IGF2BP3: variants seen among roughly 807,000 people sequenced by gnomAD.
IGF2BP3 encodes the protein insulin like growth factor 2 mRNA binding protein 3.
IGF2BP3 carries 9 observed loss-of-function variants against 73.8 expected under a neutral mutation model. The observed-to-expected ratio is 0.12, with a 90% CI of 0.07 to 0.21. IGF2BP3 has a LOEUF of 0.21. Among genes scored for constraint, IGF2BP3 ranks in the 10% least tolerant of loss-of-function variants. IGF2BP3 has a pLI of 1.00. For synonymous variants in IGF2BP3, 258 were observed against 256.7 expected, an observed-to-expected ratio of 1.01 and a Z score of -0.05; for missense variants, 542 against 714.0, an observed-to-expected ratio of 0.76 and a Z score of 2.75.
intron 7 of IGF2BP3, among the ~76,000 whole-genome samples, chr7:23,346,531 C>CAT (rs1050415152): frequency 2.0e-5 from 3 of 151,716 alleles, no homozygotes; most frequent in African/African-American, 4.8e-5. Flanking sequence ...ATTTCCCAGT[C>CAT]ATATATATAT....
chr7:23,343,731 A>T lies in IGF2BP3; in HGVS notation c.1064T>A (p.Ile355Asn). Residue 355 changes from isoleucine to asparagine, a missense_variant, in exon 9 of 15, where the codon ATT becomes AAT. Physicochemically the swap from Ile to Asn is moderately radical, Grantham distance 149. This residue lies in a region of IGF2BP3 where 303 missense variants were observed against 472.1 expected (regional missense o/e 0.64). Coordinates refer to ENST00000258729, the MANE Select transcript of IGF2BP3 (RefSeq NM_006547.3). Reference sequence around the variant, plus strand: ...AACAAAACTAACATTCATAGAAGCAATATCATTTTCATAAGACTCCCTGAT... The same window carrying T: ...AACAAAACTAACATTCATAGAAGCATTATCATTTTCATAAGACTCCCTGAT... ...KKIRESYEND[I>N]ASMNLQAHLI... 2 of 1,611,520 alleles carry T rather than the reference A, an allele frequency of 1.2e-6. No individual in the cohort carries two copies. Among genetic ancestry groups the T allele is most frequent in the Non-Finnish European group, 1.7e-6 (2 of 1,179,332 alleles).
At chr7:23,340,031 A>C (rs1583906476) in intron 10 of IGF2BP3, among the ~76,000 whole-genome samples, 1 of 152,196 alleles carries the variant, frequency 6.6e-6, no homozygotes, top group Non-Finnish European at 1.5e-5. Flanking sequence ...CTTATAGTTC[A>C]GGTTTTTTTT....
chr7:23,361,486 T>C (rs762338187), intron 5 of IGF2BP3, 48 bp downstream of exon 5: 1 of 1,476,890 alleles, frequency 6.8e-7, no homozygotes, highest in South Asian at 1.2e-5. Context: ...TATGTTACTG[T>C]ACTTAACTTA....
intron 2 of IGF2BP3, among the ~76,000 whole-genome samples, chr7:23,422,044 T>C (rs915863189): frequency 6.6e-6 from 1 of 152,112 alleles, no homozygotes; most frequent in African/African-American, 2.4e-5. Context: ...CTCCCCAAAG[T>C]GCTGGGATTA....
chr7:23,430,551 C>T (rs1787648716), intron 2 of IGF2BP3, among the ~76,000 whole-genome samples: 1 of 152,194 alleles, frequency 6.6e-6, no homozygotes, highest in Non-Finnish European at 1.5e-5. Flanking sequence ...AACCTATGTC[C>T]AAAGAGGACT....
At chr7:23,363,876 G>A (rs576205835) in intron 3 of IGF2BP3, among the ~76,000 whole-genome samples, 3 of 152,276 alleles carry the variant, frequency 2.0e-5, no homozygotes, top group East Asian at 3.9e-4. Flanking sequence ...TTTTATAAAC[G>A]CCAAAAATTA....
At chr7:23,331,934 C>T (rs1050912624) in intron 10 of IGF2BP3, among the ~76,000 whole-genome samples, 2 of 151,428 alleles carry the variant, frequency 1.3e-5, no homozygotes, top group South Asian at 2.1e-4. Context: ...AACTTACAAT[C>T]GTGGCGGAAG....
chr7:23,312,185 A>T lies in IGF2BP3; in HGVS notation c.*177T>A. Reference sequence around the variant, plus strand: ...CTGGGTGTCATACATTTCAGAGAGCATAAAGTATACATTCTCACAGAGACA... The same window carrying T: ...CTGGGTGTCATACATTTCAGAGAGCTTAAAGTATACATTCTCACAGAGACA... On this transcript the variant is annotated 3_prime_UTR_variant, in exon 15 of 15. Transcript: ENST00000258729. 1 of 543,852 alleles carries T rather than the reference A, an allele frequency of 1.8e-6. No homozygotes were observed. 33.7% of individuals were successfully genotyped at this position (543,852 alleles called of 1,614,324 possible). A position where few individuals can be genotyped will look rare whatever the true frequency, so the allele number is the denominator to read the frequency against.
chr7:23,414,340 A>G (rs1023982701), intron 3 of IGF2BP3: 1 of 152,226 alleles, frequency 6.6e-6, no homozygotes, highest in African/African-American at 2.4e-5. Context: ...ATCATTTAGT[A>G]GTATATGGTG....
chr7:23,361,813 T>A, intron 3 of IGF2BP3, 72 bp from the exon 4 acceptor site: 1 of 1,323,950 alleles, frequency 7.6e-7, no homozygotes, highest in Non-Finnish European at 1.1e-6. Context: ...GAATATGTCT[T>A]AAAATCACTA....
chr7:23,450,238 GC>G (rs1477878924), intron 2 of IGF2BP3, among the ~76,000 whole-genome samples: 3 of 152,168 alleles, frequency 2.0e-5, no homozygotes, highest in Non-Finnish European at 2.9e-5. Flanking sequence ...AAGCACTTCT[GC>G]TACCTATCCT....
Position 23,322,466 on chromosome 7 carries a change from G to C in IGF2BP3, c.1204-3212C>G, listed in dbSNP as rs1046116466. On this transcript the variant is annotated intron_variant, in intron 10 of 14. Coordinates refer to ENST00000258729, the MANE Select transcript of IGF2BP3 (RefSeq NM_006547.3). Reference sequence around the variant, plus strand: ...CTGACTGGTGTACCTGAAAGTGACGGGGAGAATGGAACCAAGTTGGAAAAC... The same window carrying C: ...CTGACTGGTGTACCTGAAAGTGACGCGGAGAATGGAACCAAGTTGGAAAAC... Among the ~76,000 whole-genome samples, 11 of 152,266 alleles carry C rather than the reference G, an allele frequency of 7.2e-5. No homozygotes were observed. The East Asian group carries it at 1.2e-3, about 16-fold the overall frequency.
chr7:23,311,031 C>CT lies in IGF2BP3; in HGVS notation c.*1330dup, dbSNP rs1201618917. The CT allele has an allele frequency of 1.3e-5, 2 of 152,090 alleles. No individual in the cohort carries two copies. The highest frequency in any genetic ancestry group is 3.9e-4 in the East Asian group (2 of 5,172). 9.4% of individuals were successfully genotyped at this position (152,090 alleles called of 1,614,324 possible). ...ATCCCAAAAACTTTTCTTGTATTCT[C>CT]TATCTTTTGACTTTTTTTTCAAAGA... On this transcript the variant is annotated 3_prime_UTR_variant, in exon 15 of 15. Transcript: ENST00000258729.
chr7:23,468,620 G>A (rs1313814592), intron 1 of IGF2BP3, 78 bp from the exon 2 acceptor site: 22 of 1,489,036 alleles, frequency 1.5e-5, no homozygotes, highest in South Asian at 4.5e-5. Flanking sequence ...AGCCCAAGCG[G>A]CGACACAAAT....
chr7:23,446,269 A>G (rs1045675124), intron 2 of IGF2BP3, among the ~76,000 whole-genome samples: 1 of 152,250 alleles, frequency 6.6e-6, no homozygotes, highest in Non-Finnish European at 1.5e-5. Context: ...CAAATAATAA[A>G]TGTAGATGCC....
intron 5 of IGF2BP3, among the ~76,000 whole-genome samples, chr7:23,357,782 C>A (rs1248610993): frequency 6.6e-6 from 1 of 152,170 alleles, no homozygotes; most frequent in Admixed American, 6.5e-5. Context: ...GTACTATTAA[C>A]CTTTGATTTA....
In IGF2BP3 at chr7:23,354,778, G is replaced by C. The variant is rs368140352; in HGVS notation, c.402-3192C>G. On this transcript the variant is annotated intron_variant, in intron 5 of 14. Coordinates refer to ENST00000258729, the MANE Select transcript of IGF2BP3 (RefSeq NM_006547.3). The stretch of plus-strand genomic sequence containing the variant: ...CCCAGTGTACCTTCTGGGCCCCAAT[G>C]GCTCCAAACTCAGGCTGTTCCAGGC... Among the ~76,000 whole-genome samples the C allele has an allele frequency of 3.6e-4, 55 of 152,328 alleles. 1 individual carries two copies. In the East Asian group the frequency reaches 6.7e-3, roughly 19 times the overall value.
At chr7:23,319,051 T>C in intron 11 of IGF2BP3, 87 bp downstream of exon 11, 1 of 882,968 alleles carries the variant, frequency 1.1e-6, no homozygotes, top group South Asian at 1.5e-5. Flanking sequence ...GTCTTTTACA[T>C]TCTATTCAAA....
At chr7:23,353,028 A>G (rs1218927200) in intron 5 of IGF2BP3, among the ~76,000 whole-genome samples, 1 of 152,206 alleles carries the variant, frequency 6.6e-6, no homozygotes, top group Non-Finnish European at 1.5e-5. Context: ...TTTCATAAAC[A>G]TACACCTAAC....
Sources: allele counts gnomAD v4.1 joint callset (sites outside exome capture counted in the v4.1 genomes callset), GRCh38; gene constraint gnomAD v4.1.1; regional missense constraint gnomAD v4.1.1; transcripts MANE v1.5; gene names NCBI Gene and HGNC (gene_info 2026-07-23, HGNC 2026-07-21).